NCAM2: variants seen among roughly 807,000 people sequenced by gnomAD.
The protein encoded by NCAM2 is N-CAM-2.
In NCAM2, 30 loss-of-function variants were observed where a neutral mutation model predicts 98.1. The ratio of observed to expected loss-of-function variants is 0.31; its 90% CI spans 0.23 to 0.41. The LOEUF is 0.41. Among genes scored for constraint, NCAM2 ranks in the 10% least tolerant of loss-of-function variants. The pLI is 1.00. For missense variants in NCAM2, 867 were observed against 1,005.8 expected (o/e 0.86, Z 1.87); for synonymous variants, 368 against 342.4 (o/e 1.07, Z -0.83).
At chr21:21,089,217 C>G (rs2065965170) in intron 1 of NCAM2, among the ~76,000 whole-genome samples, 1 of 151,934 alleles carries the variant, frequency 6.6e-6, no homozygotes, top group Admixed American at 6.6e-5. Context: ...AAAAATTACC[C>G]CAATAGAAAT....
At chr21:21,279,450 C>T (rs1300421497) in intron 1 of NCAM2, among the ~76,000 whole-genome samples, 1 of 152,136 alleles carries the variant, frequency 6.6e-6, no homozygotes, top group Non-Finnish European at 1.5e-5. Flanking sequence ...CCTCCGCCTT[C>T]CAGTTTCAAG....
intron 1 of NCAM2, among the ~76,000 whole-genome samples, chr21:21,021,742 C>A (rs1321201559): frequency 2.0e-5 from 3 of 152,128 alleles, no homozygotes; most frequent in African/African-American, 7.2e-5. Context: ...TCATTTTAAA[C>A]CATATTTCTC....
intron 5 of NCAM2, among the ~76,000 whole-genome samples, chr21:21,308,885 T>C (rs967016096): frequency 5.9e-5 from 9 of 152,186 alleles, no homozygotes; most frequent in African/African-American, 2.2e-4. Context: ...TTCTCTCTTA[T>C]TACATGTTCT....
At chr21:21,214,954 T>A (rs2147101850) in intron 1 of NCAM2, among the ~76,000 whole-genome samples, 1 of 151,864 alleles carries the variant, frequency 6.6e-6, no homozygotes, top group African/African-American at 2.4e-5. Context: ...TAGCTTAAAG[T>A]AGTACTGAAA....
intron 16 of NCAM2, among the ~76,000 whole-genome samples, chr21:21,514,490 A>C (rs1445850379): frequency 1.5e-5 from 2 of 129,672 alleles, no homozygotes. Context: ...AAAAAAAAAA[A>C]AAAAAAATGT....
At chr21:21,442,209 C>T (rs367906069) in intron 12 of NCAM2, among the ~76,000 whole-genome samples, 5 of 151,682 alleles carry the variant, frequency 3.3e-5, no homozygotes, top group Admixed American at 1.3e-4. Context: ...TGCAATAAGG[C>T]GGAACAGTTC....
At chr21:21,043,715 C>G (rs1411977673) in intron 1 of NCAM2, among the ~76,000 whole-genome samples, 2 of 151,338 alleles carry the variant, frequency 1.3e-5, no homozygotes, top group Non-Finnish European at 2.9e-5. Flanking sequence ...ATTAGCTGGG[C>G]GTGGTGGCGG....
chr21:21,334,902 C>T (rs980713812), intron 6 of NCAM2, among the ~76,000 whole-genome samples: 2 of 151,858 alleles, frequency 1.3e-5, no homozygotes, highest in African/African-American at 2.4e-5. Flanking sequence ...TAAGAGGAAA[C>T]AGAAAAACAA....
chr21:21,177,191 G>A (rs1042118409), intron 1 of NCAM2, among the ~76,000 whole-genome samples: 2 of 152,042 alleles, frequency 1.3e-5, no homozygotes, highest in East Asian at 1.9e-4. Context: ...AATGAAAATC[G>A]TGTGTAGATC....
chr21:21,150,153 GT>G (rs1402357729), intron 1 of NCAM2, among the ~76,000 whole-genome samples: 1 of 152,002 alleles, frequency 6.6e-6, no homozygotes, highest in African/African-American at 2.4e-5. Context: ...ATGGTATTGT[GT>G]TTATAGCAAA....
chr21:21,103,755 C>T (rs900121143), intron 1 of NCAM2, among the ~76,000 whole-genome samples: 2 of 152,080 alleles, frequency 1.3e-5, no homozygotes, highest in Non-Finnish European at 2.9e-5. Flanking sequence ...GGTAGGCATG[C>T]ACTTGCTGTC....
chr21:21,493,284 A>G (rs1178276164), intron 15 of NCAM2, among the ~76,000 whole-genome samples: 1 of 151,944 alleles, frequency 6.6e-6, no homozygotes, highest in Non-Finnish European at 1.5e-5. Context: ...AAAGGACAGA[A>G]AAGTAAAAGT....
At chr21:21,012,406 A>G (rs2064228207) in intron 1 of NCAM2, among the ~76,000 whole-genome samples, 1 of 152,192 alleles carries the variant, frequency 6.6e-6, no homozygotes, top group Non-Finnish European at 1.5e-5. Context: ...GACTTACTGA[A>G]TATTATCATA....
chr21:21,392,499 T>G (rs2076402679), intron 9 of NCAM2, among the ~76,000 whole-genome samples: 1 of 152,214 alleles, frequency 6.6e-6, no homozygotes, highest in South Asian at 2.1e-4. Context: ...TTGGTATTTC[T>G]GTCTTTAGGT....
At chr21:21,343,099 T>A (rs1485900927) in intron 8 of NCAM2, among the ~76,000 whole-genome samples, 2 of 152,322 alleles carry the variant, frequency 1.3e-5, no homozygotes, top group East Asian at 1.9e-4. Context: ...TTAAAACTTG[T>A]TTATAATCTG....
At chr21:21,365,630 A>T (rs985653944) in intron 8 of NCAM2, among the ~76,000 whole-genome samples, 20 of 152,060 alleles carry the variant, frequency 1.3e-4, no homozygotes, top group African/African-American at 4.6e-4. Flanking sequence ...AGTAGGCGAG[A>T]ACACTACCCG....
At chr21:21,365,126 C>T (rs903104645) in intron 8 of NCAM2, among the ~76,000 whole-genome samples, 2 of 152,030 alleles carry the variant, frequency 1.3e-5, no homozygotes, top group African/African-American at 4.8e-5. Flanking sequence ...AGTGGGGTAG[C>T]TGAAAGGGCA....
chr21:21,477,720 A>G (rs1469692577), intron 15 of NCAM2, among the ~76,000 whole-genome samples: 5 of 152,144 alleles, frequency 3.3e-5, no homozygotes, highest in Non-Finnish European at 7.4e-5. Flanking sequence ...AGGAGAACAT[A>G]GAGAGTAAGA....
At chr21:21,474,890 TTG>T (rs1230841020) in intron 14 of NCAM2, among the ~76,000 whole-genome samples, 1 of 151,890 alleles carries the variant, frequency 6.6e-6, no homozygotes. Flanking sequence ...TTGTGTGTGT[TTG>T]TGTGTGTATA....
Sources: gnomAD v4.1 joint callset for allele counts (sites outside exome capture counted in the v4.1 genomes callset) on GRCh38, gnomAD v4.1.1 for gene constraint, MANE v1.5 for transcripts, NCBI Gene and HGNC (gene_info 2026-07-23, HGNC 2026-07-21) for gene names.